Variants in PDE1A observed in about 807,000 individuals in gnomAD.
PDE1A encodes dual specificity calcium/calmodulin-dependent 3',5'-cyclic nucleotide phosphodiesterase 1A.
PDE1A carries 35 observed loss-of-function variants against 61.7 expected under a neutral mutation model. That is an observed-to-expected ratio of 0.57 (90% confidence interval 0.43 to 0.75). The LOEUF (loss-of-function observed/expected upper bound fraction) is 0.75, where lower values mean the gene tolerates loss of function less well. Among genes scored for constraint, PDE1A ranks in the 30% least tolerant of loss-of-function variants. The pLI is 0.00. For synonymous variants in PDE1A, 232 were observed against 213.2 expected (o/e 1.09, Z -0.77); for missense variants, 597 against 630.6 (o/e 0.95, Z 0.57).
chr2:182,179,497 T>A (rs1035709719), intron 13 of PDE1A, among the ~76,000 whole-genome samples: 1 of 151,996 alleles, frequency 6.6e-6, no homozygotes, highest in Non-Finnish European at 1.5e-5. Flanking sequence ...AGAATGATTA[T>A]CACAAAATTC....
At chr2:182,621,232 A>T in the PDE1A span, among the ~76,000 whole-genome samples, 1 of 152,218 alleles carries the variant, frequency 6.6e-6, no homozygotes, top group South Asian at 2.1e-4. Flanking sequence ...ATATCTTAGA[A>T]GCAGGGCTAT....
chr2:182,692,647 AC>A, the PDE1A span, among the ~76,000 whole-genome samples: 2 of 150,148 alleles, frequency 1.3e-5, no homozygotes, highest in Non-Finnish European at 3.0e-5. Context: ...GTGCACATAT[AC>A]CCTAGAACTT....
At chr2:182,683,650 G>C in the PDE1A span, among the ~76,000 whole-genome samples, 1 of 152,086 alleles carries the variant, frequency 6.6e-6, no homozygotes, top group Non-Finnish European at 1.5e-5. Flanking sequence ...TTTAAATCAT[G>C]ACCGATAAAA....
chr2:182,608,621 G>C, the PDE1A span, among the ~76,000 whole-genome samples: 40 of 152,210 alleles, frequency 2.6e-4, no homozygotes, highest in Admixed American at 2.2e-3. Flanking sequence ...ATTTCTCGCC[G>C]GGCCTTAGCT....
At chr2:182,437,411 A>C (rs1378601858) in intron 2 of PDE1A, among the ~76,000 whole-genome samples, 1 of 151,958 alleles carries the variant, frequency 6.6e-6, no homozygotes, top group Non-Finnish European at 1.5e-5. Flanking sequence ...ACTTCATAAG[A>C]TGTTTCACCT....
chr2:182,537,617 T>C, the PDE1A span, among the ~76,000 whole-genome samples: 1 of 152,182 alleles, frequency 6.6e-6, no homozygotes, highest in East Asian at 1.9e-4. Flanking sequence ...TTGCACGTTA[T>C]GCACGTGTAT....
chr2:182,218,195 C>T (rs912914300), intron 7 of PDE1A, among the ~76,000 whole-genome samples: 19 of 148,038 alleles, frequency 1.3e-4, no homozygotes, highest in African/African-American at 4.7e-4. Context: ...CGCATATTCT[C>T]ACTCATAGGT....
rs986193740 is a variant in PDE1A, at chr2:182,328,025, T to C, written c.54-63611A>G. On this transcript the variant is annotated intron_variant, in intron 1 of 13. Transcript: ENST00000351439. The stretch of plus-strand genomic sequence containing the variant: ...CGTTTATAGGAATGAAGGTAGAATA[T>C]GCGAATATAGGTGCTGTTAGGGAGG... Among the ~76,000 whole-genome samples the C allele has an allele frequency of 5.9e-5, 9 of 152,284 alleles. No individual in the cohort carries two copies. The East Asian group carries it at 1.7e-3, about 29-fold the overall frequency.
the PDE1A span, among the ~76,000 whole-genome samples, chr2:182,657,028 T>G: frequency 2.0e-3 from 308 of 152,146 alleles, 1 homozygote; most frequent in African/African-American, 7.2e-3. Context: ...ATCAAGACCA[T>G]CCTAGCCAAC....
the PDE1A span, among the ~76,000 whole-genome samples, chr2:182,661,794 T>C: frequency 2.6e-5 from 4 of 152,114 alleles, no homozygotes; most frequent in Non-Finnish European, 4.4e-5. Context: ...AAATATCCTT[T>C]GTAATAATAG....
chr2:182,201,326 T>C (rs1411801217), intron 10 of PDE1A, 113 bp downstream of exon 10: 3 of 1,298,308 alleles, frequency 2.3e-6, no homozygotes, highest in East Asian at 2.4e-5. Flanking sequence ...AATGTGTAGG[T>C]GGCCAGTTGA....
chr2:182,670,906 C>T, the PDE1A span, among the ~76,000 whole-genome samples: 3 of 151,622 alleles, frequency 2.0e-5, no homozygotes, highest in Admixed American at 2.0e-4. Context: ...CAACCTTTGC[C>T]TCCTGGGTTC....
chr2:182,176,133 T>C (rs1276319480), intron 13 of PDE1A, among the ~76,000 whole-genome samples: 1 of 148,970 alleles, frequency 6.7e-6, no homozygotes, highest in South Asian at 2.1e-4. Flanking sequence ...CCTCCAGCTT[T>C]GTTCTTTTGG....
intron 1 of PDE1A, among the ~76,000 whole-genome samples, chr2:182,267,296 G>T (rs1478770566): frequency 7.2e-5 from 11 of 151,958 alleles, no homozygotes; most frequent in Non-Finnish European, 7.4e-5. Flanking sequence ...TTCATAATTA[G>T]GTATATAAAC....
chr2:182,476,348 A>AG (rs925470174), intron 2 of PDE1A, among the ~76,000 whole-genome samples: 5 of 151,870 alleles, frequency 3.3e-5, no homozygotes, highest in African/African-American at 1.2e-4. Flanking sequence ...AAAATTAGCC[A>AG]GGTGTGGTGG....
At chr2:182,213,960 TA>T (rs1156968835) in intron 7 of PDE1A, among the ~76,000 whole-genome samples, 1 of 125,954 alleles carries the variant, frequency 7.9e-6, no homozygotes, top group East Asian at 2.6e-4. Flanking sequence ...CCAAGACACA[TA>T]ATTGTCAGAG....
chr2:182,466,736 G>A (rs1158727167), intron 2 of PDE1A, among the ~76,000 whole-genome samples: 1 of 152,012 alleles, frequency 6.6e-6, no homozygotes, highest in Admixed American at 6.6e-5. Context: ...GGGGGCTCTT[G>A]ACTGAAGCAT....
chr2:182,569,334 C>T, the PDE1A span, among the ~76,000 whole-genome samples: 2 of 151,366 alleles, frequency 1.3e-5, no homozygotes, highest in East Asian at 3.9e-4. Flanking sequence ...TTAGCTCTGA[C>T]CTACAATTTT....
chr2:182,302,735 G>A (rs1407276522), intron 1 of PDE1A, among the ~76,000 whole-genome samples: 1 of 151,996 alleles, frequency 6.6e-6, no homozygotes, highest in African/African-American at 2.4e-5. Context: ...TTGACCCACA[G>A]TACTTCTTTC....
Sources: gnomAD v4.1 joint callset for allele counts (sites outside exome capture counted in the v4.1 genomes callset) on GRCh38, gnomAD v4.1.1 for gene constraint, MANE v1.5 for transcripts, NCBI Gene and HGNC (gene_info 2026-07-23, HGNC 2026-07-21) for gene names.